The following TCF7L1 variants were observed in gnomAD, a reference collection of about 807,000 sequenced individuals.
TCF7L1 encodes the protein transcription factor 7-like 1.
TCF7L1 carries 18 observed loss-of-function variants against 63.7 expected under a neutral mutation model. That is an observed-to-expected ratio of 0.28 (90% CI 0.20 to 0.42). The LOEUF is 0.42. Ranked by LOEUF, TCF7L1 falls within the 10% of genes least tolerant of loss-of-function variation. The pLI is 1.00. For synonymous variants in TCF7L1, 355 were observed against 340.9 expected (o/e 1.04, Z -0.46); for missense variants, 654 against 779.3 (o/e 0.84, Z 1.91).
chr2:85,291,450 C>A (rs950296653), intron 4 of TCF7L1, among the ~76,000 whole-genome samples: 1 of 152,222 alleles, frequency 6.6e-6, no homozygotes, highest in African/African-American at 2.4e-5. Context: ...CGCCTTTCCA[C>A]TAGTTCCAAT....
At chr2:85,178,536 G>A (rs1030273298) in intron 3 of TCF7L1, among the ~76,000 whole-genome samples, 21 of 152,280 alleles carry the variant, frequency 1.4e-4, no homozygotes, top group Middle Eastern at 3.4e-3. Context: ...GGAAGGCAGC[G>A]GGGCTGGAAT....
intron 3 of TCF7L1, among the ~76,000 whole-genome samples, chr2:85,160,600 C>T (rs952763702): frequency 6.6e-6 from 1 of 152,084 alleles, no homozygotes; most frequent in Admixed American, 6.5e-5. Flanking sequence ...ACCTGTAATC[C>T]TAGCACTTTC....
At position 85,226,371 on chromosome 2, in the gene TCF7L1, C is replaced by G. The variant is rs540359920; in HGVS notation, c.442-57124C>G. ...GAATGGTACCAGCTCCATTTTGTAC[C>G]TATCCCTATTTTACCATTAAGGAAG... On this transcript the variant is annotated intron_variant, in intron 3 of 11. Coordinates refer to ENST00000282111, the MANE Select transcript of TCF7L1 (RefSeq NM_031283.3). Among the ~76,000 whole-genome samples the G allele has an allele frequency of 1.8e-4, 28 of 152,242 alleles. No individual in the cohort carries two copies. In the South Asian group the frequency reaches 5.6e-3, roughly 30 times the overall value.
chr2:85,191,789 C>T (rs1385188407), intron 3 of TCF7L1, among the ~76,000 whole-genome samples: 3 of 148,794 alleles, frequency 2.0e-5, no homozygotes, highest in African/African-American at 7.5e-5. Flanking sequence ...TTTGTCACTG[C>T]ACTCCAGCCT....
intron 3 of TCF7L1, among the ~76,000 whole-genome samples, chr2:85,154,824 T>G (rs1168490169): frequency 1.6e-5 from 2 of 126,568 alleles, no homozygotes; most frequent in African/African-American, 2.6e-5. Flanking sequence ...CCCATAGAAC[T>G]TTTTTTTTTT....
rs569222504 is a variant in TCF7L1 at position 85,272,631 on chromosome 2, C to CAA, written c.442-10851_442-10850dup. 7.8e-5 allele frequency among the ~76,000 whole-genome samples: 11 copies of CAA among 140,774 alleles called. 1 individual carries two copies. Among genetic ancestry groups the CAA allele is most frequent in the Admixed American group, 1.4e-4 (2 of 14,036 alleles). 92.4% of individuals were successfully genotyped at this position (140,774 alleles called of 152,430 possible). A position where few individuals can be genotyped will look rare whatever the true frequency, so the allele number is the denominator to read the frequency against. Reference sequence around the variant, plus strand: ...CAACATAGTGAGACCCTGTCTCTACCAAAAAAAAAAAAAATTAGCCGGGTG... The same window carrying CAA: ...CAACATAGTGAGACCCTGTCTCTACCAAAAAAAAAAAAAAAATTAGCCGGGTG... On this transcript the variant is annotated intron_variant, in intron 3 of 11. Transcript: ENST00000282111.
rs571541412 is a variant in TCF7L1, at chr2:85,223,183, G to A, written c.442-60312G>A. On this transcript the variant is annotated intron_variant, in intron 3 of 11. Transcript: ENST00000282111. ...TGTAGCTTCAAACTCCTGGGCCCAAGCAATCCCCCCACCTCAGCCTCCTGA... is the reference window on the plus strand; with the variant it reads ...TGTAGCTTCAAACTCCTGGGCCCAAACAATCCCCCCACCTCAGCCTCCTGA... 2.6e-5 allele frequency among the ~76,000 whole-genome samples: 4 copies of A among 152,330 alleles called. No homozygotes were observed. In the South Asian group the frequency reaches 8.3e-4, roughly 32 times the overall value.
At chr2:85,176,531 G>T (rs1678680771) in intron 3 of TCF7L1, among the ~76,000 whole-genome samples, 1 of 152,096 alleles carries the variant, frequency 6.6e-6, no homozygotes, top group Non-Finnish European at 1.5e-5. Flanking sequence ...CATGTCCCTG[G>T]CTCCAAAGGC....
chr2:85,262,861 G>T (rs1379210816), intron 3 of TCF7L1, among the ~76,000 whole-genome samples: 2 of 152,186 alleles, frequency 1.3e-5, no homozygotes, highest in East Asian at 3.8e-4. Flanking sequence ...GGAACTAGAG[G>T]CTAACACAGG....
At chr2:85,268,683 C>A (rs1347675004) in intron 3 of TCF7L1, among the ~76,000 whole-genome samples, 1 of 151,686 alleles carries the variant, frequency 6.6e-6, no homozygotes, top group African/African-American at 2.4e-5. Flanking sequence ...CTCAGGTGAC[C>A]CACCCTCCTC....
intron 3 of TCF7L1, among the ~76,000 whole-genome samples, chr2:85,258,598 A>G (rs1238725765): frequency 6.6e-6 from 1 of 152,222 alleles, no homozygotes; most frequent in East Asian, 1.9e-4. Context: ...TGGGAATTCT[A>G]AATTCGAGCC....
intron 4 of TCF7L1, among the ~76,000 whole-genome samples, chr2:85,294,364 G>C (rs1681798483): frequency 6.6e-6 from 1 of 151,468 alleles, no homozygotes; most frequent in Non-Finnish European, 1.5e-5. Context: ...AAGCTCTCTG[G>C]ATGATTTCAA....
intron 3 of TCF7L1, among the ~76,000 whole-genome samples, chr2:85,146,570 C>T (rs557474546): frequency 1.6e-4 from 23 of 144,986 alleles, no homozygotes; most frequent in East Asian, 6.1e-4. Context: ...GGCACGATCT[C>T]GGCTCACTGC....
At chr2:85,219,568 G>GT (rs200988996) in intron 3 of TCF7L1, among the ~76,000 whole-genome samples, 1 of 152,110 alleles carries the variant, frequency 6.6e-6, no homozygotes, top group East Asian at 1.9e-4. Context: ...TTCTAAAAGT[G>GT]TAACACTCAT....
intron 3 of TCF7L1, among the ~76,000 whole-genome samples, chr2:85,235,370 T>C (rs1331442913): frequency 6.6e-6 from 1 of 151,604 alleles, no homozygotes; most frequent in Non-Finnish European, 1.5e-5. Flanking sequence ...GCCATTTCTT[T>C]ATCCTACAAT....
chr2:85,159,086 G>A (rs1011798703), intron 3 of TCF7L1, among the ~76,000 whole-genome samples: 1 of 152,198 alleles, frequency 6.6e-6, no homozygotes, highest in Non-Finnish European at 1.5e-5. Flanking sequence ...CGTGGACAGT[G>A]CGGTTCAGCC....
intron 3 of TCF7L1, among the ~76,000 whole-genome samples, chr2:85,157,830 C>A (rs72840110): frequency 0.066 from 10,086 of 152,236 alleles, 455 homozygotes; most frequent in Non-Finnish European, 0.099. Flanking sequence ...ATGGAGGGGC[C>A]CTGACTGGCT....
intron 3 of TCF7L1, among the ~76,000 whole-genome samples, chr2:85,192,860 A>G (rs1222214087): frequency 6.6e-6 from 1 of 151,380 alleles, no homozygotes; most frequent in Non-Finnish European, 1.5e-5. Flanking sequence ...AATTTTTTGT[A>G]GAGAAATTTT....
rs760669802 is a variant in TCF7L1 at position 85,309,104 on chromosome 2, C to T, written c.1409C>T (p.Ser470Phe). The change falls in exon 12 of 12, where the codon TCC (serine) becomes TTC (phenylalanine). Residue 470 changes from serine (S) to phenylalanine (F), a missense_variant. Ser to Phe is a radical substitution (Grantham distance 155). This residue lies in a region of TCF7L1 where 184 missense variants were observed against 204.0 expected (regional missense o/e 0.90). Coordinates refer to ENST00000282111, the MANE Select transcript of TCF7L1 (RefSeq NM_031283.3). ...PPEKPCDSPA[S>F]SHGSMLDSPA... ...GAGAAGCCCTGTGACAGCCCTGCCT[C>T]CTCCCACGGGAGCATGCTGGACTCC... The T allele has an allele frequency of 1.2e-6, 2 of 1,613,916 alleles. No homozygotes were observed. Among genetic ancestry groups the T allele is most frequent in the South Asian group, 2.2e-5 (2 of 91,062 alleles).
Sources: gnomAD v4.1 joint callset for allele counts (sites outside exome capture counted in the v4.1 genomes callset) on GRCh38, gnomAD v4.1.1 for gene constraint, gnomAD v4.1.1 regional missense constraint, MANE v1.5 for transcripts, NCBI Gene and HGNC (gene_info 2026-07-23, HGNC 2026-07-21) for gene names.